Variants in EEPD1 observed in about 807,000 individuals in gnomAD.
EEPD1 encodes the protein endonuclease/exonuclease/phosphatase family domain-containing protein 1.
EEPD1 carries 17 observed loss-of-function variants against 46.3 expected under a neutral mutation model. The ratio of observed to expected loss-of-function variants is 0.37; its 90% CI spans 0.25 to 0.55. The LOEUF is 0.55. Ranked by LOEUF, EEPD1 falls within the 20% of genes least tolerant of loss-of-function variation. The pLI, the probability that EEPD1 is intolerant of heterozygous loss-of-function variation, is 0.83. For synonymous variants in EEPD1, 313 were observed against 315.6 expected, an observed-to-expected ratio of 0.99 and a Z score of 0.09; for missense variants, 673 against 745.6, an observed-to-expected ratio of 0.90 and a Z score of 1.13.
intron 2 of EEPD1, among the ~76,000 whole-genome samples, chr7:36,236,659 G>A (rs1786449262): frequency 6.6e-6 from 1 of 152,186 alleles, no homozygotes; most frequent in African/African-American, 2.4e-5. Context: ...CTAAAGGTTT[G>A]TAAACGCACC....
chr7:36,257,317 AGGAG>A (rs1786842491), intron 3 of EEPD1, among the ~76,000 whole-genome samples: 2 of 129,904 alleles, frequency 1.5e-5, no homozygotes, highest in Non-Finnish European at 3.4e-5. Context: ...GCTCTTCTCA[AGGAG>A]TATCTTTGTG....
chr7:36,275,971 G>A (rs559105404), intron 3 of EEPD1, among the ~76,000 whole-genome samples: 1 of 152,246 alleles, frequency 6.6e-6, no homozygotes, highest in Admixed American at 6.5e-5. Flanking sequence ...TGTAGCCAAA[G>A]TAGTCTTTCT....
rs1309697831 is a variant in EEPD1, at chr7:36,193,447, C to A, written c.878+38245C>A. On this transcript the variant is annotated intron_variant, in intron 2 of 7. Transcript: ENST00000242108. The surrounding 1 kb of genome is among the most constrained non-coding windows in gnomAD (Gnocchi z 4.9). ...ATGAGGAGAGAACAGCCACTTCATG[C>A]CAGCCTTGGGAGGTCCCCCGGGGAG... is the stretch of plus-strand genomic sequence containing the variant. Among the ~76,000 whole-genome samples, 1 of 152,160 alleles carries A rather than the reference C, an allele frequency of 6.6e-6. No homozygotes were observed. The highest frequency in any genetic ancestry group is 1.5e-5 in the Non-Finnish European group (1 of 68,030).
chr7:36,238,062 G>A (rs1007863478), intron 2 of EEPD1, among the ~76,000 whole-genome samples: 3 of 152,206 alleles, frequency 2.0e-5, no homozygotes, highest in African/African-American at 7.2e-5. Context: ...TCCCAGAACT[G>A]AGGGTTCCTC....
rs536770650 is a variant in EEPD1 at position 36,227,467 on chromosome 7, A to G, written c.879-11518A>G. Among the ~76,000 whole-genome samples, 12 of 152,300 alleles carry G rather than the reference A, an allele frequency of 7.9e-5. No homozygotes were observed. In the South Asian group the frequency reaches 2.5e-3, roughly 32 times the overall value. On this transcript the variant is annotated intron_variant, in intron 2 of 7. Transcript: ENST00000242108. Reference sequence around the variant, plus strand: ...AAAAGCAGCTCCTTCTCCAGAGCTCATCCCTCCTCCTGGGCGTGTCCACTG... The same window carrying G: ...AAAAGCAGCTCCTTCTCCAGAGCTCGTCCCTCCTCCTGGGCGTGTCCACTG...
intron 2 of EEPD1, among the ~76,000 whole-genome samples, chr7:36,233,945 G>A (rs1423976460): frequency 1.3e-5 from 2 of 152,196 alleles, no homozygotes; most frequent in African/African-American, 4.8e-5. Context: ...TTAAGACAGA[G>A]TCTCGCTCTG....
intron 3 of EEPD1, among the ~76,000 whole-genome samples, chr7:36,244,741 T>TA (rs1044467195): frequency 1.3e-5 from 2 of 151,342 alleles, no homozygotes; most frequent in Non-Finnish European, 2.9e-5. Context: ...CACTCTTCGA[T>TA]ACCTGGGCTT....
chr7:36,264,899 T>TG (rs888209862), intron 3 of EEPD1, among the ~76,000 whole-genome samples: 3 of 133,256 alleles, frequency 2.3e-5, no homozygotes, highest in Non-Finnish European at 4.9e-5. Flanking sequence ...CTATAGTTCT[T>TG]GCTGCCCACA....
At chr7:36,184,637 A>G (rs1409222423) in intron 2 of EEPD1, among the ~76,000 whole-genome samples, 1 of 152,238 alleles carries the variant, frequency 6.6e-6, no homozygotes, top group Non-Finnish European at 1.5e-5. Flanking sequence ...ACTAGGCAGT[A>G]GACTGTTGAT....
intron 3 of EEPD1, among the ~76,000 whole-genome samples, chr7:36,259,188 G>T (rs539274147): frequency 6.6e-6 from 1 of 152,216 alleles, no homozygotes; most frequent in Admixed American, 6.5e-5. Flanking sequence ...TGTCTAACCA[G>T]TCTCAATGAG....
intron 2 of EEPD1, among the ~76,000 whole-genome samples, chr7:36,196,417 C>T (rs189446480): frequency 6.0e-4 from 89 of 149,196 alleles, no homozygotes; most frequent in African/African-American, 2.2e-3. Context: ...CTCCCTCTCC[C>T]ATCTCCCTCT....
At chr7:36,201,594 A>G (rs1045552009) in intron 2 of EEPD1, among the ~76,000 whole-genome samples, 1 of 152,182 alleles carries the variant, frequency 6.6e-6, no homozygotes, top group East Asian at 1.9e-4. Flanking sequence ...TACTGCAAGG[A>G]TAAATGAGGT....
intron 6 of EEPD1, among the ~76,000 whole-genome samples, chr7:36,295,262 C>T (rs1025376602): frequency 6.6e-5 from 10 of 151,328 alleles, no homozygotes; most frequent in Admixed American, 4.6e-4. Flanking sequence ...AACAAGCAAA[C>T]AAAAAAAACC....
chr7:36,238,581 A>G (rs947043508), intron 2 of EEPD1, among the ~76,000 whole-genome samples: 1 of 152,188 alleles, frequency 6.6e-6, no homozygotes, highest in Non-Finnish European at 1.5e-5. Flanking sequence ...GTTCTTTGTT[A>G]AAGCTGAGTA....
intron 6 of EEPD1, among the ~76,000 whole-genome samples, chr7:36,293,493 G>A (rs1380577823): frequency 6.6e-6 from 1 of 152,128 alleles, no homozygotes; most frequent in Non-Finnish European, 1.5e-5. Context: ...CAATTTCTGA[G>A]AGTGGGACTC....
chr7:36,201,364 G>C (rs752585366), intron 2 of EEPD1, among the ~76,000 whole-genome samples: 39 of 152,334 alleles, frequency 2.6e-4, no homozygotes, highest in Non-Finnish European at 5.1e-4. Context: ...TGTTTTGTAG[G>C]AGGTTAACTT....
chr7:36,184,285 G>A (rs1161282582), intron 2 of EEPD1, among the ~76,000 whole-genome samples: 1 of 152,070 alleles, frequency 6.6e-6, no homozygotes, highest in East Asian at 1.9e-4. Flanking sequence ...AAATGCCAAA[G>A]CCATTCTTAC....
chr7:36,281,315 C>T, intron 4 of EEPD1, 90 bp downstream of exon 4: 3 of 1,147,340 alleles, frequency 2.6e-6, no homozygotes, highest in Middle Eastern at 2.0e-4. Context: ...TTTCCTTTGC[C>T]AATATCCCCG....
chr7:36,204,482 G>A (rs1272822263), intron 2 of EEPD1, among the ~76,000 whole-genome samples: 1 of 151,994 alleles, frequency 6.6e-6, no homozygotes, highest in Non-Finnish European at 1.5e-5. Context: ...CGTGCCCTAT[G>A]CCAAACCCTT....
Sources: gnomAD v4.1 joint callset for allele counts (sites outside exome capture counted in the v4.1 genomes callset) on GRCh38, gnomAD v4.1.1 for gene constraint, Gnocchi (gnomAD v3.1) non-coding constraint, MANE v1.5 for transcripts, NCBI Gene and HGNC (gene_info 2026-07-23, HGNC 2026-07-21) for gene names.